The following ASIC2 variants were observed in gnomAD, a reference collection of about 807,000 sequenced individuals.
The protein encoded by ASIC2 is acid sensing ion channel subunit 2.
ASIC2 carries 25 observed loss-of-function variants against 57.3 expected under a neutral mutation model. The ratio of observed to expected loss-of-function variants is 0.44; its 90% CI spans 0.32 to 0.61. The LOEUF is 0.61. ASIC2 is among the 20% of genes least tolerant of loss of function. The pLI is 0.06. For synonymous variants in ASIC2, 319 were observed against 307.5 expected (o/e 1.04, Z -0.39); for missense variants, 641 against 738.1 (o/e 0.87, Z 1.52).
At chr17:33,706,261 C>T (rs1004186300) in intron 1 of ASIC2, among the ~76,000 whole-genome samples, 9 of 150,902 alleles carry the variant, frequency 6.0e-5, no homozygotes, top group African/African-American at 1.5e-4. Context: ...CTGGCTCTGT[C>T]GCTTAGGCTG....
chr17:34,049,476 C>T (rs1908465837), intron 1 of ASIC2, among the ~76,000 whole-genome samples: 1 of 152,084 alleles, frequency 6.6e-6, no homozygotes, highest in Non-Finnish European at 1.5e-5. Context: ...CTCCTGCCCA[C>T]CCACCACACT....
At chr17:33,258,301 T>C (rs368555859) in intron 1 of ASIC2, among the ~76,000 whole-genome samples, 17 of 152,312 alleles carry the variant, frequency 1.1e-4, no homozygotes, top group African/African-American at 3.8e-4. Flanking sequence ...TCTGCCTTTA[T>C]GAAGCTTACA....
At chr17:33,537,945 TA>T (rs1157041841) in intron 1 of ASIC2, among the ~76,000 whole-genome samples, 2 of 152,220 alleles carry the variant, frequency 1.3e-5, no homozygotes, top group African/African-American at 2.4e-5. Context: ...TCCCTATCTA[TA>T]ACTTTTTCAC....
At chr17:33,062,344 A>C (rs552949204) in intron 3 of ASIC2, among the ~76,000 whole-genome samples, 51 of 152,230 alleles carry the variant, frequency 3.4e-4, no homozygotes, top group African/African-American at 1.2e-3. Context: ...TGTGTCCCAG[A>C]GATTCTGGTA....
intron 1 of ASIC2, among the ~76,000 whole-genome samples, chr17:33,527,637 AAT>A (rs1394633672): frequency 1.3e-5 from 2 of 152,232 alleles, no homozygotes; most frequent in African/African-American, 4.8e-5. Context: ...GAATATCAGG[AAT>A]ATCCCTTTAA....
At chr17:33,778,253 C>G (rs539545344) in intron 1 of ASIC2, among the ~76,000 whole-genome samples, 1 of 152,280 alleles carries the variant, frequency 6.6e-6, no homozygotes, top group East Asian at 1.9e-4. Context: ...AAACTAGAAG[C>G]ATGAGTGTAA....
intron 1 of ASIC2, among the ~76,000 whole-genome samples, chr17:33,578,784 A>G (rs1916736465): frequency 9.1e-6 from 1 of 109,862 alleles, no homozygotes. Flanking sequence ...ATTTCGCATA[A>G]TCCTAAGATT....
At chr17:33,419,143 T>G (rs543384299) in intron 1 of ASIC2, among the ~76,000 whole-genome samples, 1 of 152,222 alleles carries the variant, frequency 6.6e-6, no homozygotes, top group African/African-American at 2.4e-5. Context: ...AGGGAGCCCA[T>G]GCCTTGTCTG....
chr17:33,846,294 G>C (rs1913597872), intron 1 of ASIC2, among the ~76,000 whole-genome samples: 1 of 152,094 alleles, frequency 6.6e-6, no homozygotes. Flanking sequence ...AACAGCCAAG[G>C]GTCCAGTGCT....
intron 1 of ASIC2, among the ~76,000 whole-genome samples, chr17:33,679,732 G>A (rs1907940255): frequency 6.6e-6 from 1 of 152,178 alleles, no homozygotes; most frequent in African/African-American, 2.4e-5. Flanking sequence ...CAGGCCAGGC[G>A]AAGGCAGAGG....
At chr17:33,792,946 G>A (rs1374572354) in intron 1 of ASIC2, 1 of 152,124 alleles carries the variant, frequency 6.6e-6, no homozygotes, top group Non-Finnish European at 1.5e-5. Flanking sequence ...CTCTCCAAAT[G>A]GCCAAGGGGA....
At chr17:34,012,540 C>T (rs183759055) in intron 1 of ASIC2, among the ~76,000 whole-genome samples, 2 of 152,290 alleles carry the variant, frequency 1.3e-5, no homozygotes, top group South Asian at 2.1e-4. Context: ...CACTGTTGCC[C>T]CCTTTAGGGA....
Position 33,884,191 on chromosome 17 carries a change from G to T in ASIC2, c.555+271787C>A, listed in dbSNP as rs537467179. 3.5e-4 allele frequency among the ~76,000 whole-genome samples: 53 copies of T among 152,326 alleles called. 2 individuals carry two copies. The highest frequency in any genetic ancestry group is 1.3e-3 in the African/African-American group (52 of 41,578). On this transcript the variant is annotated intron_variant, in intron 1 of 9. Transcript: ENST00000359872. ...TTTGGCTGAAGATTGGTTGTGGCCA[G>T]TGGGAGATTAGAAGGTTGGAAGGCA...
At chr17:33,282,686 A>T (rs747388933) in intron 1 of ASIC2, among the ~76,000 whole-genome samples, 58 of 152,146 alleles carry the variant, frequency 3.8e-4, no homozygotes, top group Non-Finnish European at 2.9e-4. Flanking sequence ...TGTTGGCCAG[A>T]CTGGTCTTGA....
intron 1 of ASIC2, among the ~76,000 whole-genome samples, chr17:33,263,164 T>C (rs1287153580): frequency 6.6e-6 from 1 of 152,198 alleles, no homozygotes; most frequent in Non-Finnish European, 1.5e-5. Context: ...TATTTATATG[T>C]ACACCGCCTG....
rs1015442009 is a variant in ASIC2 at position 34,038,535 on chromosome 17, C to T, written c.555+117443G>A. On this transcript the variant is annotated intron_variant, in intron 1 of 9. Coordinates refer to the ASIC2 transcript ENST00000359872. ...TAAACTTCACTGAAACCTCCTCTAC[C>T]CAAAAGATGTAACAACAAATATCTG... The T allele has an allele frequency of 1.9e-6, 3 of 1,610,750 alleles. No homozygotes were observed. In the African/African-American group the frequency reaches 4.0e-5, roughly 22 times the overall value.
intron 1 of ASIC2, among the ~76,000 whole-genome samples, chr17:33,231,633 A>G (rs1908095624): frequency 6.6e-6 from 1 of 152,040 alleles, no homozygotes; most frequent in Non-Finnish European, 1.5e-5. Flanking sequence ...GCTGAGTTGG[A>G]GACCCATCAG....
At chr17:33,405,775 C>G in intron 1 of ASIC2, among the ~76,000 whole-genome samples, 1 of 152,120 alleles carries the variant, frequency 6.6e-6, no homozygotes, top group African/African-American at 2.4e-5. Flanking sequence ...AGCCACCACA[C>G]CGGGCCAAGA....
rs368415250 is a variant in ASIC2, at chr17:33,579,707, G to C, written c.556-467640C>G. On this transcript the variant is annotated intron_variant, in intron 1 of 9. Coordinates refer to the ASIC2 transcript ENST00000359872. Reference sequence around the variant, plus strand: ...GTGAAGCTACAGACCTTCGCAGCCAGCGTTACAACTGTTAAAAGTAGTGCG... The same window carrying C: ...GTGAAGCTACAGACCTTCGCAGCCACCGTTACAACTGTTAAAAGTAGTGCG... Among the ~76,000 whole-genome samples, 251 of 152,288 alleles carry C rather than the reference G, an allele frequency of 1.6e-3. 9 individuals carry two copies. The South Asian group carries it at 0.05, about 30-fold the overall frequency.
Sources: gnomAD v4.1 joint callset for allele counts (sites outside exome capture counted in the v4.1 genomes callset) on GRCh38, gnomAD v4.1.1 for gene constraint, MANE v1.5 for transcripts, NCBI Gene and HGNC (gene_info 2026-07-23, HGNC 2026-07-21) for gene names.